POLA2: variants seen among roughly 807,000 people sequenced by gnomAD.
The protein encoded by POLA2 is DNA polymerase alpha 2, accessory subunit.
Under a neutral mutation model 82.8 loss-of-function variants are expected in POLA2, and 47 were observed. That is an observed-to-expected ratio of 0.57 (90% CI 0.45 to 0.72). The LOEUF (loss-of-function observed/expected upper bound fraction) is 0.72, where lower values mean the gene tolerates loss of function less well. POLA2 is among the 30% of genes least tolerant of loss of function. The probability of loss-of-function intolerance (pLI) is 0.00; values close to 1 mark genes in which losing one functional copy is unlikely to be tolerated. For missense variants in POLA2, 634 were observed against 728.1 expected (o/e 0.87, Z 1.49); for synonymous variants, 287 against 286.8 (o/e 1.00, Z -0.01).
At chr11:65,296,054 A>G in intron 17 of POLA2, 64 bp downstream of exon 17, 1 of 1,584,852 alleles carries the variant, frequency 6.3e-7, no homozygotes. Flanking sequence ...TCCCTTCTAG[A>G]CCACCCGGCA....
At chr11:65,287,517 T>C (rs1477517381) in intron 10 of POLA2, 199 bp from the exon 11 acceptor site, 1 of 399,780 alleles carries the variant, frequency 2.5e-6, no homozygotes, top group Non-Finnish European at 4.5e-6. Flanking sequence ...TTCGTGTACC[T>C]GCCTGTCTCT....
chr11:65,304,339 CCATCCATCCATT>C (rs1949874883), intron 8 of POLA2, among the ~76,000 whole-genome samples: 1 of 146,484 alleles, frequency 6.8e-6, no homozygotes, highest in Non-Finnish European at 1.5e-5. Flanking sequence ...ATAGACTTAA[CCATCCATCCATT>C]CATCCATCCA....
chr11:65,285,823 C>G (rs1949691902), intron 10 of POLA2, among the ~76,000 whole-genome samples: 1 of 152,118 alleles, frequency 6.6e-6, no homozygotes, highest in Non-Finnish European at 1.5e-5. Context: ...TCCAGAGACT[C>G]ACTGCTTACA....
intron 5 of POLA2, among the ~76,000 whole-genome samples, chr11:65,276,680 C>T (rs1314761147): frequency 6.6e-6 from 1 of 152,070 alleles, no homozygotes; most frequent in Non-Finnish European, 1.5e-5. Flanking sequence ...AGATGAGGCT[C>T]CGGAGCAGTA....
intron 10 of POLA2, among the ~76,000 whole-genome samples, chr11:65,286,696 C>T (rs1440022480): frequency 1.3e-5 from 2 of 152,116 alleles, no homozygotes; most frequent in Non-Finnish European, 2.9e-5. Context: ...TGGCCAAATT[C>T]GTGTTGTTTT....
intron 8 of POLA2, 103 bp downstream of exon 8, chr11:65,281,250 C>CA: frequency 8.2e-7 from 1 of 1,215,694 alleles, no homozygotes. Context: ...TCTCTGCTGC[C>CA]ATGGGGTGCA....
chr11:65,279,730 AGTTT>A, intron 7 of POLA2, 104 bp downstream of exon 7: 1 of 806,206 alleles, frequency 1.2e-6, no homozygotes, highest in Non-Finnish European at 2.0e-6. Context: ...TCTGTGTTCT[AGTTT>A]GAACATCTGT....
chr11:65,276,733 C>T (rs1949583582), intron 5 of POLA2, among the ~76,000 whole-genome samples: 1 of 152,004 alleles, frequency 6.6e-6, no homozygotes, highest in African/African-American at 2.4e-5. Flanking sequence ...GGAGTCATTA[C>T]CTCTACTTTG....
intron 12 of POLA2, among the ~76,000 whole-genome samples, chr11:65,289,535 C>T (rs1949732288): frequency 6.6e-6 from 1 of 152,244 alleles, no homozygotes; most frequent in Non-Finnish European, 1.5e-5. Context: ...TCTCACGATA[C>T]TTTACCTTCC....
At chr11:65,271,872 A>ACC in intron 4 of POLA2, among the ~76,000 whole-genome samples, 1 of 151,876 alleles carries the variant, frequency 6.6e-6, no homozygotes, top group East Asian at 1.9e-4. Flanking sequence ...TGTGACTGTG[A>ACC]ATTCCACGCT....
In POLA2 at chr11:65,295,580, C is replaced by T. The variant is rs767626422; in HGVS notation, c.1501C>T (p.His501Tyr). ...AGACAGATTCAGCCGAATACTCAAG[C>T]ACATCTTGACCCAGAGGAGGTGAGC... The part of the protein sequence containing the change: ...TSDRFSRILK[H>Y]ILTQRSYYPL... The change falls in exon 16 of 18, where the codon CAC (histidine) becomes TAC (tyrosine). Residue 501 changes from histidine (H) to tyrosine (Y), a missense_variant. Transcript: ENST00000265465. 1 of 1,613,832 alleles carries T rather than the reference C, an allele frequency of 6.2e-7. No individual in the cohort carries two copies. Among genetic ancestry groups the T allele is most frequent in the African/African-American group, 1.3e-5 (1 of 75,048 alleles).
At chr11:65,304,213 G>T (rs544535936) in intron 8 of POLA2, among the ~76,000 whole-genome samples, 1 of 144,706 alleles carries the variant, frequency 6.9e-6, no homozygotes, top group Admixed American at 6.7e-5. Flanking sequence ...CCATCCATCC[G>T]TCCATCCATT....
intron 17 of POLA2, 125 bp from the exon 18 acceptor site, chr11:65,296,995 G>T: frequency 1.1e-6 from 1 of 872,452 alleles, no homozygotes; most frequent in African/African-American, 1.7e-5. Context: ...TGGTGATTTG[G>T]TTGCCTTCGT....
intron 1 of POLA2, among the ~76,000 whole-genome samples, chr11:65,264,757 C>T (rs751653022): frequency 6.6e-6 from 1 of 152,218 alleles, no homozygotes; most frequent in African/African-American, 2.4e-5. Flanking sequence ...TCCTAAACCC[C>T]ATTCCTTCTG....
intron 5 of POLA2, among the ~76,000 whole-genome samples, chr11:65,276,476 G>C (rs1949580970): frequency 6.6e-6 from 1 of 151,938 alleles, no homozygotes; most frequent in Non-Finnish European, 1.5e-5. Flanking sequence ...GTTAGAACTA[G>C]TTTCTGAGAG....
At chr11:65,276,038 TC>T in intron 5 of POLA2, 40 bp downstream of exon 5, 1 of 1,146,424 alleles carries the variant, frequency 8.7e-7, no homozygotes, top group African/African-American at 1.6e-5. Context: ...AAAGCTGGCC[TC>T]CCCTCCCCTT....
At chr11:65,294,487 T>C in intron 14 of POLA2, 59 bp from the exon 15 acceptor site, 2 of 1,452,126 alleles carry the variant, frequency 1.4e-6, no homozygotes, top group Non-Finnish European at 1.9e-6. Context: ...CCCACTTTCA[T>C]GGGAAGATGT....
At chr11:65,291,299 A>T (rs1266688544) in intron 13 of POLA2, among the ~76,000 whole-genome samples, 1 of 152,264 alleles carries the variant, frequency 6.6e-6, no homozygotes, top group Non-Finnish European at 1.5e-5. Flanking sequence ...TTTAGCCATG[A>T]GAACTGATCC....
chr11:65,289,984 C>G, intron 13 of POLA2, 112 bp downstream of exon 13: 2 of 683,426 alleles, frequency 2.9e-6, no homozygotes, highest in South Asian at 1.7e-5. Context: ...CTCAGTGGAT[C>G]ACACCTGTAA....
Sources: gnomAD v4.1 joint callset for allele counts (sites outside exome capture counted in the v4.1 genomes callset) on GRCh38, gnomAD v4.1.1 for gene constraint, MANE v1.5 for transcripts, NCBI Gene and HGNC (gene_info 2026-07-23, HGNC 2026-07-21) for gene names.